The following CLDN16 variants were observed in gnomAD, a reference collection of about 807,000 sequenced individuals.
The protein encoded by CLDN16 is claudin-16.
A neutral mutation model predicts 24.6 loss-of-function variants in CLDN16; 13 were observed. The observed-to-expected ratio is 0.53, with a 90% CI of 0.34 to 0.84. The LOEUF (loss-of-function observed/expected upper bound fraction) is 0.84, where lower values mean the gene tolerates loss of function less well. Among genes scored for constraint, CLDN16 ranks in the 40% least tolerant of loss-of-function variants. CLDN16 has a pLI of 0.01. For missense variants in CLDN16, 298 were observed against 292.7 expected, an observed-to-expected ratio of 1.02 and a Z score of -0.13; for synonymous variants, 116 against 106.7, an observed-to-expected ratio of 1.09 and a Z score of -0.54.
At chr3:190,302,118 C>T in the CLDN16 span, among the ~76,000 whole-genome samples, 1 of 152,176 alleles carries the variant, frequency 6.6e-6, no homozygotes, top group Non-Finnish European at 1.5e-5. Context: ...CCTTGGGGAA[C>T]TTGCATATGT....
the CLDN16 span, among the ~76,000 whole-genome samples, chr3:190,317,245 A>G: frequency 2.0e-5 from 3 of 152,202 alleles, no homozygotes; most frequent in Non-Finnish European, 4.4e-5. Flanking sequence ...AAAGTTGTCT[A>G]TGGAGAACCT....
chr3:190,311,253 A>T, the CLDN16 span, among the ~76,000 whole-genome samples: 1 of 152,332 alleles, frequency 6.6e-6, no homozygotes, highest in African/African-American at 2.4e-5. Context: ...AATGCAATGC[A>T]TTTCATCCTC....
chr3:190,362,394 C>T (rs1384605231), intron 1 of CLDN16, among the ~76,000 whole-genome samples: 2 of 151,940 alleles, frequency 1.3e-5, no homozygotes, highest in African/African-American at 4.8e-5. Flanking sequence ...GAAAACCTCA[C>T]TTCGACCCCC....
intron 3 of CLDN16, among the ~76,000 whole-genome samples, chr3:190,380,326 A>G (rs1004284602): frequency 2.0e-5 from 3 of 151,748 alleles, no homozygotes; most frequent in Non-Finnish European, 4.4e-5. Flanking sequence ...AAATATATAG[A>G]AAGCTTAATT....
At chr3:190,371,330 C>T (rs139319496) in intron 2 of CLDN16, among the ~76,000 whole-genome samples, 115 of 151,890 alleles carry the variant, frequency 7.6e-4, no homozygotes, top group African/African-American at 2.7e-3. Flanking sequence ...ATGAGTCATA[C>T]ATATGTGAGG....
chr3:190,325,147 G>C (rs1717031855), intron 1 of CLDN16, among the ~76,000 whole-genome samples: 1 of 152,194 alleles, frequency 6.6e-6, no homozygotes, highest in Non-Finnish European at 1.5e-5. Flanking sequence ...TGAGGTCAGA[G>C]TTTTATATGC....
chr3:190,364,919 G>C lies in CLDN16; in HGVS notation n.122-5974G>C, dbSNP rs1198461110. On this transcript the variant is annotated intron_variant and non_coding_transcript_variant, in intron 1 of 4. Transcript: ENST00000468220. ...ACATGGCAGACCCCTGAGTATTTTA[G>C]GGCTTCTCTTCACCGGGATCTGTCT... is the stretch of plus-strand genomic sequence containing the variant. 4.0e-5 allele frequency among the ~76,000 whole-genome samples: 6 copies of C among 151,586 alleles called. No individual in the cohort carries two copies. The Middle Eastern group carries it at 0.01, about 258-fold the overall frequency.
intron 1 of CLDN16, among the ~76,000 whole-genome samples, chr3:190,343,378 T>C (rs1046763710): frequency 1.3e-5 from 2 of 151,998 alleles, no homozygotes; most frequent in African/African-American, 4.8e-5. Flanking sequence ...GGTACAGCCA[T>C]AAAAAAAGTA....
chr3:190,377,461 A>T (rs1379120381), intron 3 of CLDN16, among the ~76,000 whole-genome samples: 2 of 151,920 alleles, frequency 1.3e-5, no homozygotes, highest in Non-Finnish European at 2.9e-5. Context: ...CGTTAGTTTC[A>T]TCTCTGCAAA....
intron 1 of CLDN16, among the ~76,000 whole-genome samples, chr3:190,369,996 A>G (rs1718105103): frequency 6.6e-6 from 1 of 152,000 alleles, no homozygotes; most frequent in African/African-American, 2.4e-5. Flanking sequence ...AGGCTGAGAC[A>G]TACAGAGGAC....
At chr3:190,297,666 A>G in the CLDN16 span, among the ~76,000 whole-genome samples, 1 of 140,912 alleles carries the variant, frequency 7.1e-6, no homozygotes, top group Non-Finnish European at 1.5e-5. Context: ...ATATCTATAC[A>G]TAGATATTAT....
intron 3 of CLDN16, among the ~76,000 whole-genome samples, chr3:190,378,360 C>A (rs948325146): frequency 1.3e-5 from 2 of 151,908 alleles, no homozygotes; most frequent in African/African-American, 4.8e-5. Context: ...GTAAAACTCA[C>A]AAGGTTTTCA....
upstream of CLDN16, among the ~76,000 whole-genome samples, chr3:190,386,578 A>T (rs1718503062): frequency 6.6e-6 from 1 of 152,150 alleles, no homozygotes; most frequent in Admixed American, 6.5e-5. Context: ...ATGGCTTGAG[A>T]TTTCATCACG....
At chr3:190,313,223 G>A in the CLDN16 span, 1 of 604,810 alleles carries the variant, frequency 1.7e-6, no homozygotes, top group Admixed American at 3.0e-5. Flanking sequence ...AAAAACAAAT[G>A]CCAGGCTGGA....
At chr3:190,322,271 G>A (rs1716948818), upstream of CLDN16, 1 of 1,442,106 alleles carries the variant, frequency 6.9e-7, no homozygotes, top group Non-Finnish European at 9.7e-7. Context: ...GTTTGCAGGT[G>A]GGCAACCCGG....
chr3:190,300,364 A>G, the CLDN16 span, among the ~76,000 whole-genome samples: 1 of 143,306 alleles, frequency 7.0e-6, no homozygotes, highest in Non-Finnish European at 1.5e-5. Context: ...GCTGGCCACA[A>G]GGCTTTATAA....
At chr3:190,339,005 T>C (rs1717371479) in intron 1 of CLDN16, among the ~76,000 whole-genome samples, 1 of 152,218 alleles carries the variant, frequency 6.6e-6, no homozygotes, top group Admixed American at 6.5e-5. Context: ...GAAGTTACAC[T>C]GTTCTCTCTC....
intron 3 of CLDN16, among the ~76,000 whole-genome samples, chr3:190,378,860 T>C (rs1384926227): frequency 6.6e-6 from 1 of 152,006 alleles, no homozygotes; most frequent in African/African-American, 2.4e-5. Flanking sequence ...GTTGAATAAG[T>C]CACTTAATAT....
the CLDN16 span, among the ~76,000 whole-genome samples, chr3:190,297,596 TAA>T: frequency 7.1e-6 from 1 of 140,288 alleles, no homozygotes; most frequent in Non-Finnish European, 1.5e-5. Flanking sequence ...TATATCTATA[TAA>T]TATATATCTA....
Sources: allele counts gnomAD v4.1 joint callset (sites outside exome capture counted in the v4.1 genomes callset), GRCh38; gene constraint gnomAD v4.1.1; transcripts MANE v1.5; gene names NCBI Gene and HGNC (gene_info 2026-07-23, HGNC 2026-07-21).